The following RBFOX1 variants were observed in gnomAD, a reference collection of about 807,000 sequenced individuals.
RBFOX1 encodes RNA binding fox-1 homolog 1.
Under a neutral mutation model 57.7 loss-of-function variants are expected in RBFOX1, and 8 were observed. The ratio of observed to expected loss-of-function variants is 0.14; its 90% CI spans 0.08 to 0.25. The LOEUF (loss-of-function observed/expected upper bound fraction) is 0.25, where lower values mean the gene tolerates loss of function less well. Ranked by LOEUF, RBFOX1 falls within the 10% of genes least tolerant of loss-of-function variation. The pLI is 1.00. For missense variants in RBFOX1, 611 were observed against 548.5 expected, an observed-to-expected ratio of 1.11 and a Z score of -1.14; for synonymous variants, 326 against 222.4, an observed-to-expected ratio of 1.47 and a Z score of -4.15.
At position 5,980,010 on chromosome 16, in the gene RBFOX1, G is replaced by A. The variant is rs542191192; in HGVS notation, c.351+112675G>A. Among the ~76,000 whole-genome samples the A allele has an allele frequency of 2.0e-5, 3 of 152,312 alleles. No individual in the cohort carries two copies. The East Asian group carries it at 5.8e-4, about 29-fold the overall frequency. On this transcript the variant is annotated intron_variant, in intron 4 of 19. Transcript: ENST00000641259. Reference sequence around the variant, plus strand: ...CAGACTCTTGCCTGCAGAAACTGCTGTGCTAGGGAATTTGATCCAAGGGTT... The same window carrying A: ...CAGACTCTTGCCTGCAGAAACTGCTATGCTAGGGAATTTGATCCAAGGGTT...
intron 2 of RBFOX1, among the ~76,000 whole-genome samples, chr16:6,600,822 G>C (rs1194588873): frequency 1.3e-5 from 2 of 151,286 alleles, no homozygotes; most frequent in Non-Finnish European, 3.0e-5. Context: ...AAAAAAGATA[G>C]AAAAAAAATC....
chr16:5,376,608 G>A (rs1231577725), intron 1 of RBFOX1, among the ~76,000 whole-genome samples: 1 of 152,150 alleles, frequency 6.6e-6, no homozygotes, highest in Non-Finnish European at 1.5e-5. Flanking sequence ...TTTTCAGCAG[G>A]ATGAGGAGCT....
At chr16:7,153,312 C>T (rs1041533184) in intron 4 of RBFOX1, among the ~76,000 whole-genome samples, 1 of 152,036 alleles carries the variant, frequency 6.6e-6, no homozygotes, top group Admixed American at 6.6e-5. Context: ...TGATTTATTT[C>T]ATTTGATAAA....
intron 3 of RBFOX1, among the ~76,000 whole-genome samples, chr16:6,956,614 C>T (rs551221487): frequency 3.3e-5 from 5 of 152,306 alleles, no homozygotes; most frequent in African/African-American, 9.6e-5. Context: ...GGTTCAAATC[C>T]ACAGCCCGTC....
chr16:7,570,706 A>G (rs1450294465), intron 5 of RBFOX1, among the ~76,000 whole-genome samples: 2 of 152,242 alleles, frequency 1.3e-5, no homozygotes, highest in East Asian at 3.8e-4. Context: ...GGAACCAGAA[A>G]TACCATTTTA....
chr16:5,543,284 G>A (rs1298548553), intron 2 of RBFOX1, among the ~76,000 whole-genome samples: 9 of 152,092 alleles, frequency 5.9e-5, no homozygotes, highest in African/African-American at 1.9e-4. Flanking sequence ...AAAAATGTTA[G>A]AATTAGCAGA....
intron 3 of RBFOX1, among the ~76,000 whole-genome samples, chr16:7,007,350 G>C (rs1382486): frequency 0.76 from 115,368 of 152,130 alleles, 43,922 homozygotes; most frequent in East Asian, 0.92. Context: ...TCTGCCATAT[G>C]TACCTCATTG....
chr16:7,688,349 A>T (rs1469670850), intron 14 of RBFOX1, among the ~76,000 whole-genome samples: 1 of 152,032 alleles, frequency 6.6e-6, no homozygotes, highest in Non-Finnish European at 1.5e-5. Flanking sequence ...CCTGAGATAT[A>T]TTTAACAATA....
chr16:7,456,758 G>C (rs889790131), intron 4 of RBFOX1, among the ~76,000 whole-genome samples: 9 of 152,160 alleles, frequency 5.9e-5, no homozygotes, highest in African/African-American at 1.9e-4. Flanking sequence ...GTGCAAGCAG[G>C]CCTGCAGTGG....
intron 2 of RBFOX1, among the ~76,000 whole-genome samples, chr16:6,395,559 T>G (rs1596546066): frequency 7.0e-6 from 1 of 142,044 alleles, no homozygotes; most frequent in East Asian, 2.0e-4. Flanking sequence ...GTAATGAGCT[T>G]TTTGTGTGAA....
At chr16:5,395,033 AG>A (rs1051574448) in intron 1 of RBFOX1, among the ~76,000 whole-genome samples, 3 of 152,174 alleles carry the variant, frequency 2.0e-5, no homozygotes, top group Non-Finnish European at 1.5e-5. Flanking sequence ...ATTTCAAGCC[AG>A]GTGCTCGACA....
chr16:6,746,424 C>G (rs747576043), intron 3 of RBFOX1, among the ~76,000 whole-genome samples: 4 of 152,148 alleles, frequency 2.6e-5, no homozygotes, highest in East Asian at 1.9e-4. Context: ...CACCTGTAAT[C>G]TCAGCACTAT....
chr16:7,626,159 C>A (rs1041840378), intron 10 of RBFOX1, among the ~76,000 whole-genome samples: 4 of 152,234 alleles, frequency 2.6e-5, no homozygotes, highest in African/African-American at 9.6e-5. Context: ...AGGTGTGAAA[C>A]TGCACTGCTG....
intron 3 of RBFOX1, among the ~76,000 whole-genome samples, chr16:6,663,006 G>T (rs1457170782): frequency 6.6e-6 from 1 of 152,172 alleles, no homozygotes; most frequent in Non-Finnish European, 1.5e-5. Flanking sequence ...CTACTGGTGG[G>T]TTTGCATTCA....
At chr16:7,408,306 T>C (rs553726915) in intron 4 of RBFOX1, among the ~76,000 whole-genome samples, 13 of 152,136 alleles carry the variant, frequency 8.5e-5, no homozygotes, top group Non-Finnish European at 1.6e-4. Flanking sequence ...GACTTGTAGA[T>C]GACAATACAG....
chr16:6,758,529 T>A (rs966546452), intron 3 of RBFOX1, among the ~76,000 whole-genome samples: 1 of 151,994 alleles, frequency 6.6e-6, no homozygotes, highest in Admixed American at 6.6e-5. Context: ...TTAGAGCAAT[T>A]TAAATATCAT....
rs1197888026 is a variant in RBFOX1 at position 5,771,932 on chromosome 16, G to A, written c.319-95371G>A. 3.3e-5 allele frequency among the ~76,000 whole-genome samples: 5 copies of A among 152,160 alleles called. No individual in the cohort carries two copies. The East Asian group carries it at 5.8e-4, about 18-fold the overall frequency. On this transcript the variant is annotated intron_variant, in intron 3 of 19. Transcript: ENST00000641259. ...CTCACGCCTGTAATCCCAGCACTTT[G>A]GGAGGTCGAGGGGGGTGGATCACGA...
At chr16:7,455,950 C>G (rs1352869790) in intron 4 of RBFOX1, among the ~76,000 whole-genome samples, 1 of 152,108 alleles carries the variant, frequency 6.6e-6, no homozygotes, top group East Asian at 1.9e-4. Context: ...TTAATGTCCC[C>G]TGTTTGGAAA....
At chr16:6,539,124 G>GAA (rs36099923) in intron 2 of RBFOX1, among the ~76,000 whole-genome samples, 66,733 of 148,368 alleles carry the variant, frequency 0.45, 15,265 homozygotes, top group Non-Finnish European at 0.52. Context: ...GATATTTGGT[G>GAA]AAAAAAAAAA....
Sources: allele counts gnomAD v4.1 joint callset (sites outside exome capture counted in the v4.1 genomes callset), GRCh38; gene constraint gnomAD v4.1.1; transcripts MANE v1.5; gene names NCBI Gene and HGNC (gene_info 2026-07-23, HGNC 2026-07-21).